The following ADAMTS9 variants were observed in gnomAD, a reference collection of about 807,000 sequenced individuals.
The protein encoded by ADAMTS9 is A disintegrin and metalloproteinase with thrombospondin motifs 9.
ADAMTS9 carries 107 observed loss-of-function variants against 257.1 expected under a neutral mutation model. That is an observed-to-expected ratio of 0.42 (90% CI 0.36 to 0.49). ADAMTS9 has a LOEUF of 0.49. Among genes scored for constraint, ADAMTS9 ranks in the 20% least tolerant of loss-of-function variants. The pLI is 0.03. For synonymous variants in ADAMTS9, 982 were observed against 880.9 expected, an observed-to-expected ratio of 1.11 and a Z score of -2.03; for missense variants, 2,353 against 2,469.1, an observed-to-expected ratio of 0.95 and a Z score of 1.00.
At chr3:64,539,139 G>T in intron 37 of ADAMTS9, 64 bp downstream of exon 37, 1 of 1,485,972 alleles carries the variant, frequency 6.7e-7, no homozygotes, top group Non-Finnish European at 9.4e-7. Context: ...AGATGCAACT[G>T]AGGATGTTCC....
chr3:64,572,513 G>A (rs1351369458), intron 28 of ADAMTS9, among the ~76,000 whole-genome samples: 3 of 152,148 alleles, frequency 2.0e-5, no homozygotes, highest in South Asian at 4.1e-4. Context: ...ACAGAGGAAC[G>A]TGGTTTCTTA....
chr3:64,667,806 A>G (rs1220499118), intron 3 of ADAMTS9, among the ~76,000 whole-genome samples: 1 of 152,170 alleles, frequency 6.6e-6, no homozygotes, highest in Non-Finnish European at 1.5e-5. Flanking sequence ...CATATGGATT[A>G]ACTTGATTAT....
At chr3:64,537,582 A>G (rs1384749526) in intron 37 of ADAMTS9, among the ~76,000 whole-genome samples, 1 of 152,186 alleles carries the variant, frequency 6.6e-6, no homozygotes, top group Non-Finnish European at 1.5e-5. Context: ...TTGAGGCCGA[A>G]AAAACGCCTC....
intron 28 of ADAMTS9, among the ~76,000 whole-genome samples, chr3:64,573,045 C>G (rs1462200174): frequency 6.9e-6 from 1 of 144,278 alleles, no homozygotes; most frequent in African/African-American, 2.6e-5. Context: ...CCACTGCACT[C>G]CAGCCTGGCG....
intron 22 of ADAMTS9, among the ~76,000 whole-genome samples, chr3:64,611,788 A>T (rs1387597595): frequency 6.6e-6 from 1 of 152,144 alleles, no homozygotes; most frequent in African/African-American, 2.4e-5. Context: ...TTTACAGGCC[A>T]TGGCCCATGG....
chr3:64,532,910 T>C (rs1272406531), intron 38 of ADAMTS9, among the ~76,000 whole-genome samples: 1 of 152,326 alleles, frequency 6.6e-6, no homozygotes, highest in African/African-American at 2.4e-5. Context: ...TAGGTGGTTT[T>C]TCTAATTACT....
intron 21 of ADAMTS9, 144 bp downstream of exon 21, chr3:64,615,177 A>T (rs567673289): frequency 1.1e-6 from 1 of 947,234 alleles, no homozygotes; most frequent in Non-Finnish European, 1.6e-6. Flanking sequence ...CAGGCAGAGA[A>T]CTGGAGTTGT....
At chr3:64,543,185 G>A (rs2083150210) in intron 32 of ADAMTS9, among the ~76,000 whole-genome samples, 1 of 112,812 alleles carries the variant, frequency 8.9e-6, no homozygotes, top group Non-Finnish European at 1.8e-5. Flanking sequence ...TCTACCAGAG[G>A]TACAAACAAG....
At chr3:64,594,479 C>G in intron 27 of ADAMTS9, 45 bp from the exon 28 acceptor site, 5 of 1,591,874 alleles carry the variant, frequency 3.1e-6, no homozygotes, top group Non-Finnish European at 4.3e-6. Flanking sequence ...GTCTGAAAGG[C>G]CAATGACAAA....
chr3:64,606,610 A>C (rs2084560512), intron 23 of ADAMTS9, among the ~76,000 whole-genome samples: 1 of 152,172 alleles, frequency 6.6e-6, no homozygotes, highest in African/African-American at 2.4e-5. Context: ...AGCTGGTACA[A>C]GTTAGCTCCA....
chr3:64,538,939 C>T (rs1042996271), intron 37 of ADAMTS9, among the ~76,000 whole-genome samples: 3 of 152,140 alleles, frequency 2.0e-5, no homozygotes, highest in Non-Finnish European at 4.4e-5. Context: ...CGCTAACCGA[C>T]ATCTAATTTG....
chr3:64,669,423 A>G (rs1701430299), intron 3 of ADAMTS9, among the ~76,000 whole-genome samples: 1 of 152,142 alleles, frequency 6.6e-6, no homozygotes, highest in Non-Finnish European at 1.5e-5. Flanking sequence ...GGGAAGTAAG[A>G]GGCCTGTGTT....
At chr3:64,638,895 C>A (rs574398834) in intron 12 of ADAMTS9, among the ~76,000 whole-genome samples, 94 of 152,116 alleles carry the variant, frequency 6.2e-4, no homozygotes, top group African/African-American at 2.2e-3. Context: ...AATCCAGTGT[C>A]CTTAATAGAG....
intron 28 of ADAMTS9, among the ~76,000 whole-genome samples, chr3:64,578,481 T>C (rs150934888): frequency 2.6e-5 from 4 of 152,294 alleles, no homozygotes; most frequent in East Asian, 1.9e-4. Context: ...AATCAAAAGA[T>C]TGAGGCAGAA....
rs770079027 is a variant in ADAMTS9 at position 64,591,851 on chromosome 3, T to C, written c.4356+2407A>G. 1.8e-4 allele frequency among the ~76,000 whole-genome samples: 28 copies of C among 152,170 alleles called. 1 individual carries two copies. Among genetic ancestry groups the C allele is most frequent in the Admixed American group, 1.5e-3 (23 of 15,276 alleles). ...CAGAAGGATTAATTGCTACCCTTGG[T>C]CCCTAATAAATCTAAGTTGCTTTCT... On this transcript the variant is annotated intron_variant, in intron 28 of 39. Coordinates refer to ENST00000498707, the MANE Select transcript of ADAMTS9 (RefSeq NM_182920.2).
In ADAMTS9 at chr3:64,542,220, T is replaced by TACAC. The variant is rs60208170; in HGVS notation, c.5065-254_5065-251dup. ...TATAAAACACTTATATGTGTAATTT[T>TACAC]ACACACACACACACACACACATAAT... On this transcript the variant is annotated intron_variant, in intron 32 of 39. Coordinates refer to ENST00000498707, the MANE Select transcript of ADAMTS9 (RefSeq NM_182920.2). Among the ~76,000 whole-genome samples, 1,081 of 133,182 alleles carry TACAC rather than the reference T, an allele frequency of 8.1e-3. 10 individuals are homozygous for TACAC. The highest frequency in any genetic ancestry group is 0.025 in the African/African-American group (987 of 40,120). The allele number at this position is 133,182 out of a possible 152,430, so 87.4% of individuals were successfully genotyped here. A position where few individuals can be genotyped will look rare whatever the true frequency, so the allele number is the denominator to read the frequency against.
intron 26 of ADAMTS9, among the ~76,000 whole-genome samples, 179 bp from the exon 27 acceptor site, chr3:64,597,170 C>T (rs1473340225): frequency 6.6e-6 from 1 of 152,178 alleles, no homozygotes; most frequent in Non-Finnish European, 1.5e-5. Flanking sequence ...TTCATGTACA[C>T]ATCCTATAGA....
rs1345754862 is a variant in ADAMTS9, at chr3:64,654,249, G to A, written c.1316+104C>T. The A allele has an allele frequency of 3.5e-6, 4 of 1,127,846 alleles. No homozygotes were observed. In the Admixed American group the frequency reaches 8.9e-5, roughly 25 times the overall value. The allele number at this position is 1,127,846 out of a possible 1,614,324, so 69.9% of individuals were successfully genotyped here. ...ACCCTGCAACTCTACTATGACTCGG[G>A]AAGTCTCTTACACACTCGAAAGTCA... On this transcript the variant is annotated intron_variant, in intron 8 of 39. Coordinates refer to ENST00000498707, the MANE Select transcript of ADAMTS9 (RefSeq NM_182920.2).
chr3:64,579,174 A>T (rs1335767333), intron 28 of ADAMTS9, among the ~76,000 whole-genome samples: 2 of 152,018 alleles, frequency 1.3e-5, no homozygotes, highest in Non-Finnish European at 2.9e-5. Context: ...TTCCTATCCT[A>T]TCATTCACAT....
Sources: allele counts gnomAD v4.1 joint callset (sites outside exome capture counted in the v4.1 genomes callset), GRCh38; gene constraint gnomAD v4.1.1; transcripts MANE v1.5; gene names NCBI Gene and HGNC (gene_info 2026-07-23, HGNC 2026-07-21).